Variants in SPAG9 observed in about 807,000 individuals in gnomAD.
The protein encoded by SPAG9 is sperm associated antigen 9, also known as C-Jun-amino-terminal kinase-interacting protein 4.
A neutral mutation model predicts 166.5 loss-of-function variants in SPAG9; 35 were observed. The observed-to-expected ratio is 0.21, with a 90% confidence interval of 0.16 to 0.28. The LOEUF is 0.28. Ranked by LOEUF, SPAG9 falls within the 10% of genes least tolerant of loss-of-function variation. SPAG9 has a pLI of 1.00. For missense variants in SPAG9, 1,235 were observed against 1,603.3 expected (o/e 0.77, Z 3.92); for synonymous variants, 534 against 565.5 (o/e 0.94, Z 0.79).
chr17:51,113,353 CAAA>C (rs34917845), intron 1 of SPAG9, among the ~76,000 whole-genome samples: 8 of 95,906 alleles, frequency 8.3e-5, no homozygotes, highest in African/African-American at 1.2e-4. Flanking sequence ...AATGCCATAT[CAAA>C]AAAAAAAAAA....
At chr17:51,012,779 G>T in intron 9 of SPAG9, among the ~76,000 whole-genome samples, 2 of 148,086 alleles carry the variant, frequency 1.4e-5, no homozygotes, top group Non-Finnish European at 1.5e-5. Context: ...ACGGGATCTG[G>T]CTCTGTCACC....
At chr17:51,086,909 G>A (rs2048322434) in intron 1 of SPAG9, among the ~76,000 whole-genome samples, 1 of 152,118 alleles carries the variant, frequency 6.6e-6, no homozygotes, top group African/African-American at 2.4e-5. Flanking sequence ...GTGACAGAGT[G>A]AGACTCCGTC....
At chr17:51,108,815 A>G (rs887163147) in intron 1 of SPAG9, among the ~76,000 whole-genome samples, 4 of 151,772 alleles carry the variant, frequency 2.6e-5, no homozygotes, top group African/African-American at 9.7e-5. Context: ...TTTTTATGTG[A>G]TAATTTTATT....
At chr17:51,049,644 C>T (rs547748465) in intron 3 of SPAG9, among the ~76,000 whole-genome samples, 10 of 152,246 alleles carry the variant, frequency 6.6e-5, no homozygotes, top group African/African-American at 2.4e-4. Flanking sequence ...CTCACTCTGT[C>T]GCCCAGGCTG....
Position 51,058,047 on chromosome 17 carries a change from C to G in SPAG9, c.425-1565G>C, listed in dbSNP as rs138105723. ...TTAAAGGAATTCTGAGACTACTGGACAAACCATATCTATTTTCAATTGTTC... is the reference window on the plus strand; with the variant it reads ...TTAAAGGAATTCTGAGACTACTGGAGAAACCATATCTATTTTCAATTGTTC... On this transcript the variant is annotated intron_variant, in intron 2 of 29. Transcript: ENST00000262013. 8.8e-3 allele frequency among the ~76,000 whole-genome samples: 1,347 copies of G among 152,264 alleles called. 15 individuals are homozygous for G. The highest frequency in any genetic ancestry group is 0.028 in the African/African-American group (1,152 of 41,540).
chr17:50,999,370 T>C, intron 14 of SPAG9: 1 of 914,806 alleles, frequency 1.1e-6, no homozygotes, highest in Non-Finnish European at 1.6e-6. Flanking sequence ...TTCAAGTCTC[T>C]AAATAATTCC....
chr17:50,973,613 C>T (rs1162620510), intron 28 of SPAG9, among the ~76,000 whole-genome samples: 1 of 152,086 alleles, frequency 6.6e-6, no homozygotes, highest in Admixed American at 6.5e-5. Context: ...CGTGTTAGCT[C>T]GATACCCAGA....
chr17:50,973,947 C>G (rs1254130822), intron 28 of SPAG9, among the ~76,000 whole-genome samples: 1 of 152,208 alleles, frequency 6.6e-6, no homozygotes, highest in African/African-American at 2.4e-5. Context: ...TTCATACGCA[C>G]ATACACATGC....
At chr17:51,049,333 C>T (rs2047117205) in intron 3 of SPAG9, among the ~76,000 whole-genome samples, 1 of 151,494 alleles carries the variant, frequency 6.6e-6, no homozygotes. Flanking sequence ...TGCCACTGCA[C>T]TCCAGCCTGG....
chr17:51,056,599 C>G lies in SPAG9; in HGVS notation c.425-117G>C, dbSNP rs1445784619. Reference sequence around the variant, plus strand: ...CTTAGCAACTTTCAGACTCAGTGTTCCATATGCAAGTCTTCACAAAGCAGT... The same window carrying G: ...CTTAGCAACTTTCAGACTCAGTGTTGCATATGCAAGTCTTCACAAAGCAGT... On this transcript the variant is annotated intron_variant, in intron 2 of 29. Transcript: ENST00000262013. The G allele has an allele frequency of 1.4e-5, 9 of 654,214 alleles. No homozygotes were observed. The African/African-American group carries it at 1.6e-4, about 12-fold the overall frequency. The allele number at this position is 654,214 out of a possible 1,614,324, so 40.5% of individuals were successfully genotyped here.
intron 1 of SPAG9, among the ~76,000 whole-genome samples, chr17:51,101,162 T>C (rs2048797209): frequency 1.3e-5 from 2 of 151,542 alleles, no homozygotes; most frequent in South Asian, 2.1e-4. Context: ...CCTGGCCAAC[T>C]TGGTGAAACA....
At chr17:50,999,833 A>G in intron 13 of SPAG9, 116 bp from the exon 14 acceptor site, 1 of 749,958 alleles carries the variant, frequency 1.3e-6, no homozygotes, top group Non-Finnish European at 2.2e-6. Context: ...TCAACAATTA[A>G]GTTCAATAAA....
intron 9 of SPAG9, among the ~76,000 whole-genome samples, chr17:51,013,286 A>G (rs2045566616): frequency 3.3e-5 from 5 of 152,184 alleles, no homozygotes; most frequent in Admixed American, 3.3e-4. Context: ...TTTAATTTCT[A>G]TAGGGTCCTA....
intron 29 of SPAG9, 90 bp downstream of exon 29, chr17:50,970,617 T>C (rs2143580148): frequency 9.2e-7 from 1 of 1,087,890 alleles, no homozygotes; most frequent in Non-Finnish European, 1.3e-6. Context: ...CTCTTATAAA[T>C]CATTATCAGA....
intron 1 of SPAG9, among the ~76,000 whole-genome samples, chr17:51,082,389 A>C (rs535279658): frequency 7.5e-4 from 114 of 151,234 alleles, no homozygotes; most frequent in African/African-American, 2.7e-3. Flanking sequence ...AAAAAAAAAA[A>C]AAAAAAAAAA....
chr17:51,023,099 T>G (rs1897342698), intron 6 of SPAG9, among the ~76,000 whole-genome samples: 1 of 149,038 alleles, frequency 6.7e-6, no homozygotes, highest in Admixed American at 6.7e-5. Flanking sequence ...TATCTACTTC[T>G]TAAGATTCTT....
At chr17:51,078,632 T>G (rs1228464337) in intron 2 of SPAG9, among the ~76,000 whole-genome samples, 2 of 152,108 alleles carry the variant, frequency 1.3e-5, no homozygotes, top group Non-Finnish European at 2.9e-5. Context: ...TTTCTAATTT[T>G]GACTTAATTA....
intron 2 of SPAG9, among the ~76,000 whole-genome samples, chr17:51,060,106 T>A (rs760931279): frequency 3.0e-4 from 45 of 152,102 alleles, no homozygotes; most frequent in Non-Finnish European, 5.4e-4. Context: ...AGAACTCTTA[T>A]CTCCTGACCT....
intron 1 of SPAG9, among the ~76,000 whole-genome samples, chr17:51,110,973 G>A (rs908089945): frequency 7.9e-5 from 12 of 152,008 alleles, no homozygotes; most frequent in African/African-American, 2.2e-4. Flanking sequence ...AAAATTAGCC[G>A]GGTGTGGTGG....
Sources: gnomAD v4.1 joint callset for allele counts (sites outside exome capture counted in the v4.1 genomes callset) on GRCh38, gnomAD v4.1.1 for gene constraint, MANE v1.5 for transcripts, NCBI Gene and HGNC (gene_info 2026-07-23, HGNC 2026-07-21) for gene names.